The following NTM variants were observed in gnomAD, a reference collection of about 807,000 sequenced individuals.
NTM encodes IgLON family member 2.
A neutral mutation model predicts 42.1 loss-of-function variants in NTM; 13 were observed. That is an observed-to-expected ratio of 0.31 (90% CI 0.20 to 0.49). The LOEUF (loss-of-function observed/expected upper bound fraction) is 0.49, where lower values mean the gene tolerates loss of function less well. Among genes scored for constraint, NTM ranks in the 20% least tolerant of loss-of-function variants. The probability of loss-of-function intolerance (pLI) is 0.99; values close to 1 mark genes in which losing one functional copy is unlikely to be tolerated. For synonymous variants in NTM, 187 were observed against 179.2 expected, an observed-to-expected ratio of 1.04 and a Z score of -0.35; for missense variants, 373 against 452.8, an observed-to-expected ratio of 0.82 and a Z score of 1.60.
intron 4 of NTM, among the ~76,000 whole-genome samples, chr11:132,296,007 G>T (rs989882350): frequency 6.6e-6 from 1 of 152,148 alleles, no homozygotes; most frequent in African/African-American, 2.4e-5. Context: ...GAAACAGCAG[G>T]GTTTGTTGAT....
intron 2 of NTM, among the ~76,000 whole-genome samples, chr11:132,043,958 ATGTGTGTG>A (rs71067353): frequency 0.17 from 24,806 of 146,134 alleles, 5,379 homozygotes; most frequent in African/African-American, 0.51. Context: ...GACACCAACT[ATGTGTGTG>A]TGTGTGTGTG....
chr11:131,483,688 G>A (rs1435276035), intron 1 of NTM, among the ~76,000 whole-genome samples: 1 of 152,178 alleles, frequency 6.6e-6, no homozygotes, highest in African/African-American at 2.4e-5. Flanking sequence ...CAGCAGCAGC[G>A]AAGAAGAGCC....
intron 2 of NTM, among the ~76,000 whole-genome samples, chr11:131,959,528 A>G (rs1038324696): frequency 2.0e-5 from 3 of 152,040 alleles, no homozygotes; most frequent in African/African-American, 7.2e-5. Flanking sequence ...CCCAGCTACT[A>G]GGGAGGTTGT....
At chr11:132,110,167 G>T (rs1451881251) in intron 2 of NTM, among the ~76,000 whole-genome samples, 9 of 152,340 alleles carry the variant, frequency 5.9e-5, no homozygotes, top group Admixed American at 5.9e-4. Context: ...GGCTCCAGGA[G>T]GGGAGGGCCT....
At chr11:131,915,894 CAT>C (rs1050657330) in intron 2 of NTM, among the ~76,000 whole-genome samples, 4 of 152,182 alleles carry the variant, frequency 2.6e-5, no homozygotes, top group African/African-American at 9.6e-5. Context: ...TCCCACAACA[CAT>C]AGGAATTATG....
chr11:132,146,820 G>A lies in NTM; in HGVS notation c.400+306G>A, dbSNP rs1156767768. ...AAGTTTTAGTTATTTTTGTTTGTTTGTTTTTTGTTTTGTTTTGTTTTGTTT... is the reference window on the plus strand; with the variant it reads ...AAGTTTTAGTTATTTTTGTTTGTTTATTTTTTGTTTTGTTTTGTTTTGTTT... On this transcript the variant is annotated intron_variant, in intron 3 of 8. Coordinates refer to ENST00000683400, the MANE Select transcript of NTM (RefSeq NM_001352005.2). This position sits in a 1 kb window ranked among gnomAD's most constrained non-coding sequence, Gnocchi z 4.5. The A allele has an allele frequency of 2.7e-6, 1 of 365,810 alleles. No homozygotes were observed. Among genetic ancestry groups the A allele is most frequent in the Admixed American group, 4.3e-5 (1 of 23,004 alleles). 22.7% of individuals were successfully genotyped at this position (365,810 alleles called of 1,614,324 possible).
intron 2 of NTM, among the ~76,000 whole-genome samples, chr11:131,942,640 C>T (rs1441712707): frequency 6.6e-6 from 1 of 152,104 alleles, no homozygotes; most frequent in Non-Finnish European, 1.5e-5. Context: ...TTTGTCTCAG[C>T]TCTTCAAGAA....
At chr11:131,688,070 C>T (rs2074134089) in intron 1 of NTM, among the ~76,000 whole-genome samples, 1 of 152,256 alleles carries the variant, frequency 6.6e-6, no homozygotes, top group South Asian at 2.1e-4. Context: ...TAATAAACCC[C>T]GGAGGGGTGC....
intron 7 of NTM, among the ~76,000 whole-genome samples, chr11:132,327,966 G>GT (rs2095717801): frequency 2.0e-5 from 3 of 152,102 alleles, no homozygotes; most frequent in African/African-American, 7.2e-5. Context: ...GAAAACGCAT[G>GT]CTTGACAAGC....
chr11:131,695,600 G>A (rs563164014), intron 1 of NTM, among the ~76,000 whole-genome samples: 1 of 152,250 alleles, frequency 6.6e-6, no homozygotes, highest in Admixed American at 6.5e-5. Flanking sequence ...CTTTGAAGTG[G>A]GGTGTTTTTC....
intron 3 of NTM, among the ~76,000 whole-genome samples, chr11:132,169,743 G>C (rs73038224): frequency 0.063 from 9,630 of 152,194 alleles, 365 homozygotes; most frequent in Middle Eastern, 0.13. Context: ...CATGAGAAAA[G>C]AAATGCAAGT....
intron 1 of NTM, among the ~76,000 whole-genome samples, chr11:131,788,293 T>C (rs1312599110): frequency 6.6e-6 from 1 of 152,126 alleles, no homozygotes; most frequent in Non-Finnish European, 1.5e-5. Flanking sequence ...TTTATTACTC[T>C]TTCCCATTAT....
intron 1 of NTM, among the ~76,000 whole-genome samples, chr11:131,737,771 A>T (rs903676829): frequency 6.6e-6 from 1 of 152,084 alleles, no homozygotes; most frequent in African/African-American, 2.4e-5. Flanking sequence ...AGGAGGCAGG[A>T]TGGGGGTGGG....
intron 1 of NTM, among the ~76,000 whole-genome samples, chr11:131,449,330 G>C (rs2136031944): frequency 6.6e-6 from 1 of 152,264 alleles, no homozygotes; most frequent in Non-Finnish European, 1.5e-5. Context: ...ACTCCCACAG[G>C]GGCATGGAGG....
chr11:131,850,401 T>G (rs1413240290), intron 1 of NTM, among the ~76,000 whole-genome samples: 1 of 152,190 alleles, frequency 6.6e-6, no homozygotes, highest in Non-Finnish European at 1.5e-5. Context: ...GCCACTCTGA[T>G]GATACAGTGC....
At chr11:131,601,207 C>T (rs146214925) in intron 1 of NTM, among the ~76,000 whole-genome samples, 6 of 152,268 alleles carry the variant, frequency 3.9e-5, no homozygotes, top group East Asian at 1.9e-4. Flanking sequence ...GATGGTCTTT[C>T]GGGGAGCATA....
chr11:132,037,302 C>T (rs937858265), intron 2 of NTM, among the ~76,000 whole-genome samples: 7 of 152,060 alleles, frequency 4.6e-5, no homozygotes, highest in African/African-American at 7.2e-5. Flanking sequence ...CTGCACATGC[C>T]GGCTCCCTTC....
chr11:131,706,646 T>G (rs1040250443), intron 1 of NTM, among the ~76,000 whole-genome samples: 4 of 151,956 alleles, frequency 2.6e-5, no homozygotes, highest in African/African-American at 9.7e-5. Context: ...TTTATAACCA[T>G]AATGGTATGA....
At chr11:131,809,375 C>T (rs1192429470) in intron 1 of NTM, among the ~76,000 whole-genome samples, 1 of 152,194 alleles carries the variant, frequency 6.6e-6, no homozygotes, top group African/African-American at 2.4e-5. Context: ...CATAGAGCTG[C>T]TGCTCTGCAT....
Sources: gnomAD v4.1 joint callset for allele counts (sites outside exome capture counted in the v4.1 genomes callset) on GRCh38, gnomAD v4.1.1 for gene constraint, Gnocchi (gnomAD v3.1) non-coding constraint, MANE v1.5 for transcripts, NCBI Gene and HGNC (gene_info 2026-07-23, HGNC 2026-07-21) for gene names.